PEX7: variants seen among roughly 807,000 people sequenced by gnomAD.
The protein encoded by PEX7 is peroxisomal biogenesis factor 7.
Under a neutral mutation model 47.5 loss-of-function variants are expected in PEX7, and 34 were observed. That is an observed-to-expected ratio of 0.72 (90% CI 0.54 to 0.95). The LOEUF (loss-of-function observed/expected upper bound fraction) is 0.95, where lower values mean the gene tolerates loss of function less well. PEX7 is among the 40% of genes least tolerant of loss of function. PEX7 has a pLI of 0.00. For synonymous variants in PEX7, 141 were observed against 148.8 expected (o/e 0.95, Z 0.38); for missense variants, 394 against 400.3 (o/e 0.98, Z 0.13).
chr6:136,862,533 G>A (rs1291657401), intron 5 of PEX7, among the ~76,000 whole-genome samples: 1 of 151,974 alleles, frequency 6.6e-6, no homozygotes, highest in Non-Finnish European at 1.5e-5. Context: ...GTGCCACCAT[G>A]CCTGGCTAAT....
At chr6:136,837,430 G>A (rs1283026892) in intron 3 of PEX7, among the ~76,000 whole-genome samples, 1 of 149,712 alleles carries the variant, frequency 6.7e-6, no homozygotes, top group Non-Finnish European at 1.5e-5. Flanking sequence ...AGAAGTAGAA[G>A]CGATCTTAAA....
chr6:136,864,332 T>C (rs549531708), intron 5 of PEX7, among the ~76,000 whole-genome samples: 6 of 152,048 alleles, frequency 3.9e-5, no homozygotes, highest in Admixed American at 6.6e-5. Context: ...AAAACACACA[T>C]ATTGAGAGCT....
intron 8 of PEX7, among the ~76,000 whole-genome samples, chr6:136,884,132 A>G (rs941394113): frequency 6.6e-6 from 1 of 152,182 alleles, no homozygotes; most frequent in African/African-American, 2.4e-5. Context: ...ACATGTATAT[A>G]TATTTGTAAT....
chr6:136,824,037 TTTG>T (rs762883397), intron 1 of PEX7, among the ~76,000 whole-genome samples: 2 of 152,220 alleles, frequency 1.3e-5, no homozygotes, highest in Non-Finnish European at 2.9e-5. Context: ...ATTGTATTTT[TTTG>T]TTTTGTCCTA....
intron 6 of PEX7, among the ~76,000 whole-genome samples, chr6:136,868,669 G>A (rs1433880564): frequency 6.6e-6 from 1 of 151,728 alleles, no homozygotes; most frequent in African/African-American, 2.4e-5. Context: ...AACATAGTCA[G>A]ACAATGTTAG....
At chr6:136,872,145 T>TA in intron 7 of PEX7, 53 bp from the exon 8 acceptor site, 4 of 1,447,566 alleles carry the variant, frequency 2.8e-6, no homozygotes, top group Non-Finnish European at 3.8e-6. Flanking sequence ...AAAGCAGTGT[T>TA]ATAATCACAG....
chr6:136,877,893 G>A (rs192766565), intron 8 of PEX7, among the ~76,000 whole-genome samples: 10 of 152,268 alleles, frequency 6.6e-5, no homozygotes, highest in African/African-American at 2.2e-4. Context: ...ATTACTTTGG[G>A]TGGTATGGTC....
intron 9 of PEX7, among the ~76,000 whole-genome samples, chr6:136,905,024 T>C (rs1385045122): frequency 6.6e-6 from 1 of 152,228 alleles, no homozygotes; most frequent in African/African-American, 2.4e-5. Context: ...GAAGTCTTTC[T>C]GATTTTACCT....
chr6:136,825,370 A>T (rs371901757), intron 2 of PEX7, 99 bp downstream of exon 2: 1 of 1,018,376 alleles, frequency 9.8e-7, no homozygotes, highest in East Asian at 2.4e-5. Flanking sequence ...TATACAGTAT[A>T]AAAGGAACCT....
chr6:136,861,424 T>C (rs1738097415), intron 5 of PEX7, among the ~76,000 whole-genome samples: 1 of 152,172 alleles, frequency 6.6e-6, no homozygotes, highest in East Asian at 1.9e-4. Context: ...CATATCTTAT[T>C]AGGGTGAACC....
At chr6:136,874,604 G>T (rs1318493985) in intron 8 of PEX7, among the ~76,000 whole-genome samples, 1 of 148,626 alleles carries the variant, frequency 6.7e-6, no homozygotes, top group Non-Finnish European at 1.5e-5. Flanking sequence ...AGAAGGCAGA[G>T]ATTGCAGTGA....
chr6:136,837,744 G>A (rs563833457), intron 3 of PEX7, among the ~76,000 whole-genome samples: 1 of 152,106 alleles, frequency 6.6e-6, no homozygotes, highest in African/African-American at 2.4e-5. Context: ...ACAACTTGAA[G>A]GGACTCTCAC....
At chr6:136,850,049 C>T (rs1047660933) in intron 5 of PEX7, among the ~76,000 whole-genome samples, 7 of 151,966 alleles carry the variant, frequency 4.6e-5, no homozygotes, top group Admixed American at 1.3e-4. Flanking sequence ...GTATTGGGTG[C>T]ATATATATTT....
chr6:136,845,791 A>G, intron 4 of PEX7, 99 bp downstream of exon 4: 1 of 824,688 alleles, frequency 1.2e-6, no homozygotes, highest in South Asian at 1.4e-5. Flanking sequence ...TAGCTCTATG[A>G]TTCGACAGCT....
At chr6:136,877,058 G>T (rs1027542231) in intron 8 of PEX7, among the ~76,000 whole-genome samples, 1 of 152,174 alleles carries the variant, frequency 6.6e-6, no homozygotes, top group Non-Finnish European at 1.5e-5. Flanking sequence ...GTATCTCATT[G>T]TGGTTTTGAT....
intron 8 of PEX7, among the ~76,000 whole-genome samples, chr6:136,895,729 C>T (rs930983095): frequency 6.6e-6 from 1 of 152,178 alleles, no homozygotes; most frequent in African/African-American, 2.4e-5. Flanking sequence ...ATAATGTATA[C>T]ACTTGGTATG....
At chr6:136,863,197 A>G (rs1169677282) in intron 5 of PEX7, among the ~76,000 whole-genome samples, 2 of 152,114 alleles carry the variant, frequency 1.3e-5, no homozygotes, top group African/African-American at 4.8e-5. Context: ...GAATTTTATA[A>G]CTTGTCAGTT....
At chr6:136,849,896 C>T (rs981501219) in intron 5 of PEX7, among the ~76,000 whole-genome samples, 2 of 152,060 alleles carry the variant, frequency 1.3e-5, no homozygotes, top group African/African-American at 4.8e-5. Flanking sequence ...GAGTTTAATT[C>T]CTGGATATCC....
intron 5 of PEX7, among the ~76,000 whole-genome samples, chr6:136,853,303 T>C (rs1774794195): frequency 2.0e-5 from 3 of 152,202 alleles, no homozygotes; most frequent in African/African-American, 7.2e-5. Flanking sequence ...ACCTCTGGCA[T>C]AAATCCTCAA....
Sources: gnomAD v4.1 joint callset for allele counts (sites outside exome capture counted in the v4.1 genomes callset) on GRCh38, gnomAD v4.1.1 for gene constraint, MANE v1.5 for transcripts, NCBI Gene and HGNC (gene_info 2026-07-23, HGNC 2026-07-21) for gene names.